The following TMEM132C variants were observed in gnomAD, a reference collection of about 807,000 sequenced individuals.
The protein encoded by TMEM132C is protein phosphatase 1, regulatory subunit 152.
In TMEM132C, 29 loss-of-function variants were observed where a neutral mutation model predicts 61.4. The ratio of observed to expected loss-of-function variants is 0.47; its 90% confidence interval spans 0.35 to 0.64. The LOEUF (loss-of-function observed/expected upper bound fraction) is 0.64, where lower values mean the gene tolerates loss of function less well. Among genes scored for constraint, TMEM132C ranks in the 30% least tolerant of loss-of-function variants. TMEM132C has a pLI of 0.00. For missense variants in TMEM132C, 1,408 were observed against 1,476.9 expected (o/e 0.95, Z 0.76); for synonymous variants, 656 against 633.1 (o/e 1.04, Z -0.54).
At chr12:128,552,136 A>G (rs1029266712) in intron 3 of TMEM132C, among the ~76,000 whole-genome samples, 5 of 152,230 alleles carry the variant, frequency 3.3e-5, no homozygotes, top group African/African-American at 1.2e-4. Flanking sequence ...ACTGGCCCAC[A>G]TGCACCTGTG....
chr12:128,687,683 G>A (rs1371095286), intron 5 of TMEM132C, among the ~76,000 whole-genome samples: 1 of 152,206 alleles, frequency 6.6e-6, no homozygotes, highest in Non-Finnish European at 1.5e-5. Flanking sequence ...AGAAAACCAG[G>A]CACATCGGAG....
At chr12:128,500,612 T>C (rs1466648389) in intron 2 of TMEM132C, among the ~76,000 whole-genome samples, 1 of 152,084 alleles carries the variant, frequency 6.6e-6, no homozygotes, top group Non-Finnish European at 1.5e-5. Context: ...TCATTAGTCA[T>C]TAGGGAAATA....
chr12:128,571,034 G>T (rs1000858227), intron 3 of TMEM132C, among the ~76,000 whole-genome samples: 1 of 152,224 alleles, frequency 6.6e-6, no homozygotes, highest in Non-Finnish European at 1.5e-5. Flanking sequence ...CCAGGAGACA[G>T]GAGGGACATG....
At chr12:128,684,854 T>A (rs1201453537) in intron 5 of TMEM132C, among the ~76,000 whole-genome samples, 1 of 152,196 alleles carries the variant, frequency 6.6e-6, no homozygotes, top group Non-Finnish European at 1.5e-5. Flanking sequence ...AGAGAACTGC[T>A]GTAGTAATGA....
At chr12:128,604,406 A>AAGATAGATAGATAGATAGATAGAT (rs199758796) in intron 3 of TMEM132C, among the ~76,000 whole-genome samples, 5 of 144,440 alleles carry the variant, frequency 3.5e-5, no homozygotes, top group African/African-American at 5.2e-5. Flanking sequence ...TAATGGATGG[A>AAGATAGATAGATAGATAGATAGAT]AGATAGATAG....
At chr12:128,430,572 A>G (rs984755091) in intron 2 of TMEM132C, among the ~76,000 whole-genome samples, 1 of 152,230 alleles carries the variant, frequency 6.6e-6, no homozygotes, top group Non-Finnish European at 1.5e-5. Flanking sequence ...ACTGCATTTC[A>G]CAGATAATGT....
At chr12:128,606,167 T>C (rs1876416724) in intron 3 of TMEM132C, among the ~76,000 whole-genome samples, 1 of 152,178 alleles carries the variant, frequency 6.6e-6, no homozygotes, top group Non-Finnish European at 1.5e-5. Flanking sequence ...CTAATTTAGC[T>C]CAAGCTTCAG....
chr12:128,347,397 GTCTCTCTCTCTCTCTCTCTC>G (rs55729184), intron 1 of TMEM132C, among the ~76,000 whole-genome samples: 28 of 135,524 alleles, frequency 2.1e-4, no homozygotes, highest in Admixed American at 7.9e-4. Flanking sequence ...GCATATGTAT[GTCTCTCTCTCTCTCTCTCTC>G]TCTCTCTCTC....
At chr12:128,586,613 T>C (rs1875558296) in intron 3 of TMEM132C, among the ~76,000 whole-genome samples, 1 of 152,224 alleles carries the variant, frequency 6.6e-6, no homozygotes, top group Admixed American at 6.5e-5. Flanking sequence ...ACTTTTCCTC[T>C]GTATCTTCCT....
intron 8 of TMEM132C, among the ~76,000 whole-genome samples, chr12:128,702,281 T>C (rs187042754): frequency 3.3e-4 from 51 of 152,254 alleles, no homozygotes; most frequent in Admixed American, 2.8e-3. Flanking sequence ...TTCTTTTTAA[T>C]TTTATTTCAT....
At chr12:128,467,600 G>T (rs758778313) in intron 2 of TMEM132C, among the ~76,000 whole-genome samples, 2 of 152,080 alleles carry the variant, frequency 1.3e-5, no homozygotes, top group Non-Finnish European at 2.9e-5. Flanking sequence ...TCTCCATCTC[G>T]CAGTAGCAGG....
rs116177872 is a variant in TMEM132C, at chr12:128,430,449, T to C, written c.974+14829T>C. ...CATAATGAGAACTTAACTGGAACCATTTCTTGTAAATGCATATATTAAAGA... is the reference window on the plus strand; with the variant it reads ...CATAATGAGAACTTAACTGGAACCACTTCTTGTAAATGCATATATTAAAGA... On this transcript the variant is annotated intron_variant, in intron 2 of 8. Transcript: ENST00000435159. 6.4e-3 allele frequency among the ~76,000 whole-genome samples: 975 copies of C among 152,314 alleles called. 13 individuals are homozygous for C. The highest frequency in any genetic ancestry group is 0.022 in the African/African-American group (913 of 41,568).
intron 1 of TMEM132C, among the ~76,000 whole-genome samples, chr12:128,368,995 G>A (rs1378781049): frequency 6.6e-6 from 1 of 152,196 alleles, no homozygotes; most frequent in Non-Finnish European, 1.5e-5. Flanking sequence ...TTCCCTCCAG[G>A]TTCTATGGGG....
intron 1 of TMEM132C, among the ~76,000 whole-genome samples, chr12:128,271,670 C>T (rs924057654): frequency 6.6e-6 from 1 of 152,200 alleles, no homozygotes; most frequent in African/African-American, 2.4e-5. Flanking sequence ...TTCAGGTCCT[C>T]TCTTCCTCTG....
chr12:128,268,469 G>A (rs377167282), intron 1 of TMEM132C, among the ~76,000 whole-genome samples: 4 of 152,166 alleles, frequency 2.6e-5, no homozygotes, highest in East Asian at 3.9e-4. Flanking sequence ...GTCCCGGGGC[G>A]CGCCCAGGGC....
intron 1 of TMEM132C, chr12:128,288,521 TTC>T (rs779741177): frequency 3.3e-5 from 5 of 152,030 alleles, no homozygotes; most frequent in Non-Finnish European, 7.3e-5. Context: ...TCTAGTAGAG[TTC>T]TGCCACTGAG....
At chr12:128,504,778 T>C (rs1319362789) in intron 2 of TMEM132C, among the ~76,000 whole-genome samples, 1 of 111,782 alleles carries the variant, frequency 8.9e-6, no homozygotes, top group Non-Finnish European at 1.7e-5. Context: ...TGCAGTCACA[T>C]TGAGGGTTAG....
At chr12:128,577,934 T>C (rs936187210) in intron 3 of TMEM132C, among the ~76,000 whole-genome samples, 4 of 152,248 alleles carry the variant, frequency 2.6e-5, no homozygotes, top group Non-Finnish European at 4.4e-5. Context: ...TAAACACCAT[T>C]CACCATGTTT....
Position 128,562,560 on chromosome 12 carries a change from C to A in TMEM132C, c.1121+18457C>A, listed in dbSNP as rs561494042. ...TAAATGGCAAAGACGCCTCATTCAT[C>A]ATGTCTTTAATTTCCCCACCTTAGA... On this transcript the variant is annotated intron_variant, in intron 3 of 8. Transcript: ENST00000435159. 3.3e-5 allele frequency among the ~76,000 whole-genome samples: 5 copies of A among 152,316 alleles called. No individual in the cohort carries two copies. In the East Asian group the frequency reaches 7.7e-4, roughly 24 times the overall value.
Sources: allele counts gnomAD v4.1 joint callset (sites outside exome capture counted in the v4.1 genomes callset), GRCh38; gene constraint gnomAD v4.1.1; transcripts MANE v1.5; gene names NCBI Gene and HGNC (gene_info 2026-07-23, HGNC 2026-07-21).